IMMP2L: variants seen among roughly 807,000 people sequenced by gnomAD.
IMMP2L encodes mitochondrial inner membrane protease subunit 2.
IMMP2L carries 18 observed loss-of-function variants against 19.3 expected under a neutral mutation model. That is an observed-to-expected ratio of 0.93 (90% CI 0.64 to 1.38). The LOEUF is 1.38. IMMP2L is among the 40% of genes most tolerant of loss of function. The pLI is 0.00. For synonymous variants in IMMP2L, 76 were observed against 73.0 expected (o/e 1.04, Z -0.21); for missense variants, 233 against 218.2 (o/e 1.07, Z -0.43).
chr7:110,952,165 AT>A (rs956087813), intron 4 of IMMP2L, among the ~76,000 whole-genome samples: 1 of 152,152 alleles, frequency 6.6e-6, no homozygotes, highest in African/African-American at 2.4e-5. Flanking sequence ...ATAAATTAAT[AT>A]TTAGATCAAA....
chr7:111,417,651 A>G (rs1230927844), intron 3 of IMMP2L, among the ~76,000 whole-genome samples: 1 of 151,870 alleles, frequency 6.6e-6, no homozygotes, highest in African/African-American at 2.4e-5. Flanking sequence ...GGAGAGAAGC[A>G]GAGACTGAAA....
intron 4 of IMMP2L, among the ~76,000 whole-genome samples, chr7:110,925,610 C>T (rs1054761426): frequency 1.3e-5 from 2 of 151,898 alleles, no homozygotes; most frequent in Admixed American, 6.6e-5. Context: ...AGTATAGATA[C>T]TTAAATGAAA....
At chr7:110,901,974 C>T (rs2129547305) in intron 4 of IMMP2L, among the ~76,000 whole-genome samples, 1 of 152,058 alleles carries the variant, frequency 6.6e-6, no homozygotes, top group East Asian at 1.9e-4. Context: ...TGCATCAAAG[C>T]TATAAGACTA....
At chr7:110,813,594 A>AT (rs1295826464) in intron 5 of IMMP2L, among the ~76,000 whole-genome samples, 1 of 151,756 alleles carries the variant, frequency 6.6e-6, no homozygotes, top group African/African-American at 2.4e-5. Flanking sequence ...CACCTGGCCT[A>AT]TTTTTTCTAA....
At chr7:111,418,422 C>G (rs1835152061) in intron 3 of IMMP2L, among the ~76,000 whole-genome samples, 1 of 151,694 alleles carries the variant, frequency 6.6e-6, no homozygotes, top group African/African-American at 2.4e-5. Context: ...ATAACCCAGT[C>G]ACATCATTGT....
intron 5 of IMMP2L, among the ~76,000 whole-genome samples, chr7:110,674,219 T>C (rs1268671012): frequency 1.3e-5 from 2 of 152,092 alleles, no homozygotes; most frequent in Non-Finnish European, 2.9e-5. Flanking sequence ...GGAAAGCCCT[T>C]TATAAAACCA....
chr7:111,040,942 G>T lies in IMMP2L; in HGVS notation c.240-77377C>A, dbSNP rs1158342501. ...ACATTTATGTTTATAAATTAATACT[G>T]ATGCTATTACTTGGCTCAAATATTG... On this transcript the variant is annotated intron_variant, in intron 3 of 5. Coordinates refer to ENST00000405709, the MANE Select transcript of IMMP2L (RefSeq NM_032549.4). Among the ~76,000 whole-genome samples the T allele has an allele frequency of 7.9e-5, 12 of 151,880 alleles. No homozygotes were observed. The East Asian group carries it at 9.7e-4, about 12-fold the overall frequency.
intron 3 of IMMP2L, among the ~76,000 whole-genome samples, chr7:111,278,810 T>C (rs1166860020): frequency 6.6e-6 from 1 of 150,426 alleles, no homozygotes; most frequent in Non-Finnish European, 1.5e-5. Context: ...AACTATTTCC[T>C]TGAAATCTAC....
chr7:110,827,379 T>C lies in IMMP2L; in HGVS notation c.408+59214A>G, dbSNP rs544340733. On this transcript the variant is annotated intron_variant, in intron 5 of 5. Transcript: ENST00000405709. Reference sequence around the variant, plus strand: ...GCCAGCACTACCACAGAGTTCTTTTTAGTGAGATTTCACAATGGTCCTTGC... The same window carrying C: ...GCCAGCACTACCACAGAGTTCTTTTCAGTGAGATTTCACAATGGTCCTTGC... Among the ~76,000 whole-genome samples, 12 of 152,294 alleles carry C rather than the reference T, an allele frequency of 7.9e-5. No individual in the cohort carries two copies. In the South Asian group the frequency reaches 2.5e-3, roughly 32 times the overall value.
At chr7:111,492,282 G>T in intron 2 of IMMP2L, 1 of 443,324 alleles carries the variant, frequency 2.3e-6, no homozygotes, top group Non-Finnish European at 3.0e-6. Flanking sequence ...TCAAAACAAA[G>T]ATCCTATTCC....
At chr7:111,119,585 G>C (rs1800334811) in intron 3 of IMMP2L, among the ~76,000 whole-genome samples, 1 of 152,140 alleles carries the variant, frequency 6.6e-6, no homozygotes, top group Admixed American at 6.6e-5. Context: ...ACACAAATTT[G>C]ATGTTAGTAA....
intron 3 of IMMP2L, among the ~76,000 whole-genome samples, chr7:111,000,463 T>C (rs1323875247): frequency 6.6e-6 from 1 of 152,118 alleles, no homozygotes; most frequent in Non-Finnish European, 1.5e-5. Flanking sequence ...GGTGATAATA[T>C]ATTTGGGTGA....
chr7:110,889,742 G>A (rs562813158), intron 4 of IMMP2L, among the ~76,000 whole-genome samples: 91 of 152,250 alleles, frequency 6.0e-4, no homozygotes, highest in Non-Finnish European at 1.2e-3. Context: ...GCCTATCTTG[G>A]CTTTTGTATC....
Position 111,426,639 on chromosome 7 carries a change from G to A in IMMP2L, c.239+60599C>T, listed in dbSNP as rs563023386. ...CAATCTATTTAGAGACTTTAAATAT[G>A]TTATGTTGTCCTTTTTAAGGCATGT... is the stretch of plus-strand genomic sequence containing the variant. On this transcript the variant is annotated intron_variant, in intron 3 of 5. Coordinates refer to ENST00000405709, the MANE Select transcript of IMMP2L (RefSeq NM_032549.4). 6.1e-4 allele frequency among the ~76,000 whole-genome samples: 92 copies of A among 151,322 alleles called. 2 individuals carry two copies. The highest frequency in any genetic ancestry group is 2.1e-3 in the African/African-American group (86 of 41,196).
chr7:111,379,197 C>A (rs1476416808), intron 3 of IMMP2L, among the ~76,000 whole-genome samples: 6 of 138,236 alleles, frequency 4.3e-5, no homozygotes, highest in East Asian at 4.1e-4. Context: ...CTTCAAGTAA[C>A]CCTTATGGTA....
chr7:111,185,678 A>G lies in IMMP2L; in HGVS notation c.240-222113T>C, dbSNP rs114471355. ...AAATTTTTGTAACCTAATGAAAAGA[A>G]TAGCAAGGAGATTAGAGCAAACTAT... On this transcript the variant is annotated intron_variant, in intron 3 of 5. Coordinates refer to ENST00000405709, the MANE Select transcript of IMMP2L (RefSeq NM_032549.4). Among the ~76,000 whole-genome samples, 478 of 152,310 alleles carry G rather than the reference A, an allele frequency of 3.1e-3. 6 individuals carry two copies. The highest frequency in any genetic ancestry group is 0.011 in the African/African-American group (442 of 41,548).
At chr7:111,199,986 A>G (rs1216106899) in intron 3 of IMMP2L, among the ~76,000 whole-genome samples, 1 of 152,130 alleles carries the variant, frequency 6.6e-6, no homozygotes, top group East Asian at 1.9e-4. Flanking sequence ...TAGTTTCTCT[A>G]TTAAAACATG....
chr7:111,331,250 A>C (rs1825845230), intron 3 of IMMP2L, among the ~76,000 whole-genome samples: 1 of 151,994 alleles, frequency 6.6e-6, no homozygotes, highest in Admixed American at 6.6e-5. Flanking sequence ...TCAGCCCTTA[A>C]AAAGAAGGAT....
chr7:111,164,586 T>C (rs1488262846), intron 3 of IMMP2L, among the ~76,000 whole-genome samples: 1 of 151,950 alleles, frequency 6.6e-6, no homozygotes, highest in Non-Finnish European at 1.5e-5. Flanking sequence ...AAGAACAGGG[T>C]AGTGATACAA....
Sources: allele counts gnomAD v4.1 joint callset (sites outside exome capture counted in the v4.1 genomes callset), GRCh38; gene constraint gnomAD v4.1.1; transcripts MANE v1.5; gene names NCBI Gene and HGNC (gene_info 2026-07-23, HGNC 2026-07-21).